The following LYPD6 variants were observed in gnomAD, a reference collection of about 807,000 sequenced individuals.
LYPD6 encodes the protein ly6/PLAUR domain-containing protein 6.
LYPD6 carries 15 observed loss-of-function variants against 22.7 expected under a neutral mutation model. The ratio of observed to expected loss-of-function variants is 0.66; its 90% CI spans 0.44 to 1.02. The LOEUF is 1.02. Ranked by LOEUF, LYPD6 falls within the 50% of genes least tolerant of loss-of-function variation. The probability of loss-of-function intolerance (pLI) is 0.00; values close to 1 mark genes in which losing one functional copy is unlikely to be tolerated. For missense variants in LYPD6, 189 were observed against 208.4 expected (o/e 0.91, Z 0.57); for synonymous variants, 72 against 77.5 (o/e 0.93, Z 0.37).
chr2:149,485,304 A>C, the LYPD6 span, among the ~76,000 whole-genome samples: 1 of 152,200 alleles, frequency 6.6e-6, no homozygotes, highest in African/African-American at 2.4e-5. Flanking sequence ...TGAGTAGAGT[A>C]AGGCACTGGA....
intron 2 of LYPD6, among the ~76,000 whole-genome samples, chr2:149,446,054 T>C (rs1683680209): frequency 2.0e-5 from 3 of 152,138 alleles, no homozygotes; most frequent in Admixed American, 6.5e-5. Context: ...TTCAGTATTG[T>C]TGTATCTCAG....
At chr2:149,392,384 G>A (rs767590527) in intron 1 of LYPD6, among the ~76,000 whole-genome samples, 1 of 152,114 alleles carries the variant, frequency 6.6e-6, no homozygotes, top group Non-Finnish European at 1.5e-5. Context: ...TTAATTGTGG[G>A]CATAAAAGGC....
intron 1 of LYPD6, among the ~76,000 whole-genome samples, chr2:149,389,678 CT>C (rs1213042879): frequency 1.3e-5 from 2 of 152,134 alleles, no homozygotes; most frequent in Admixed American, 1.3e-4. Flanking sequence ...GGTTTGGTAT[CT>C]TTATTTTTGG....
At chr2:149,424,536 G>A (rs1683150559) in intron 1 of LYPD6, among the ~76,000 whole-genome samples, 3 of 152,178 alleles carry the variant, frequency 2.0e-5, no homozygotes, top group Admixed American at 6.5e-5. Context: ...TTGTCCTTAC[G>A]AAATAAGGCC....
At chr2:149,418,321 T>A (rs1298729325) in intron 1 of LYPD6, among the ~76,000 whole-genome samples, 1 of 152,328 alleles carries the variant, frequency 6.6e-6, no homozygotes, top group Non-Finnish European at 1.5e-5. Flanking sequence ...TTCCTTTTTT[T>A]CCCTCATGTC....
chr2:149,337,138 G>A (rs1007904348), intron 1 of LYPD6, among the ~76,000 whole-genome samples: 3 of 152,248 alleles, frequency 2.0e-5, no homozygotes, highest in Middle Eastern at 6.8e-3. Context: ...ATGAGGACAG[G>A]CACCGAATCT....
At chr2:149,463,792 C>G (rs1384293990) in intron 3 of LYPD6, among the ~76,000 whole-genome samples, 4 of 152,064 alleles carry the variant, frequency 2.6e-5, no homozygotes, top group Non-Finnish European at 5.9e-5. Context: ...TGTTGTGTGA[C>G]TCATTTATAT....
At chr2:149,479,030 C>T (rs574852107), downstream of LYPD6, among the ~76,000 whole-genome samples, 6 of 152,278 alleles carry the variant, frequency 3.9e-5, no homozygotes, top group South Asian at 1.2e-3. Context: ...AATCCACTCA[C>T]TCTTTATACC....
chr2:149,368,843 G>T (rs1469265808), intron 1 of LYPD6, among the ~76,000 whole-genome samples: 1 of 152,140 alleles, frequency 6.6e-6, no homozygotes, highest in Non-Finnish European at 1.5e-5. Flanking sequence ...TGTGGAGCGG[G>T]AAACAGAGGA....
intron 1 of LYPD6, among the ~76,000 whole-genome samples, chr2:149,373,428 G>A (rs778395082): frequency 6.6e-6 from 1 of 152,160 alleles, no homozygotes; most frequent in Admixed American, 6.5e-5. Flanking sequence ...GAGTAGGAAG[G>A]AAAGGGGTTC....
At chr2:149,331,035 C>G (rs1180073139) in intron 1 of LYPD6, among the ~76,000 whole-genome samples, 3 of 152,172 alleles carry the variant, frequency 2.0e-5, no homozygotes, top group African/African-American at 7.2e-5. Flanking sequence ...AGGAACCTTT[C>G]CCAGGAGTAA....
intron 1 of LYPD6, among the ~76,000 whole-genome samples, chr2:149,364,001 A>T (rs1034993527): frequency 1.3e-5 from 2 of 152,260 alleles, no homozygotes; most frequent in South Asian, 2.1e-4. Context: ...TCCTACTTTT[A>T]AAAAAATGAG....
At chr2:149,462,191 A>T (rs1286939809) in intron 3 of LYPD6, among the ~76,000 whole-genome samples, 1 of 152,026 alleles carries the variant, frequency 6.6e-6, no homozygotes, top group Non-Finnish European at 1.5e-5. Flanking sequence ...GAGTTCAGCA[A>T]GGTCATAGGA....
chr2:149,426,055 A>T (rs796573055), intron 1 of LYPD6, among the ~76,000 whole-genome samples: 7 of 152,356 alleles, frequency 4.6e-5, no homozygotes, highest in African/African-American at 1.7e-4. Flanking sequence ...TTGGCTGCTA[A>T]TGAACCCAGT....
intron 1 of LYPD6, among the ~76,000 whole-genome samples, chr2:149,408,978 C>T (rs1256419676): frequency 6.6e-6 from 1 of 152,010 alleles, no homozygotes; most frequent in South Asian, 2.1e-4. Flanking sequence ...GGGGTGTTAA[C>T]CTTGTTTTGT....
chr2:149,350,666 T>C (rs1368897719), intron 1 of LYPD6, among the ~76,000 whole-genome samples: 6 of 152,260 alleles, frequency 3.9e-5, no homozygotes, highest in Non-Finnish European at 7.3e-5. Flanking sequence ...TACTGGCTAC[T>C]GAGTACTTGA....
intron 1 of LYPD6, among the ~76,000 whole-genome samples, chr2:149,394,898 G>A (rs1189224535): frequency 1.3e-5 from 2 of 152,086 alleles, no homozygotes; most frequent in African/African-American, 4.8e-5. Context: ...CCTCCAAAGC[G>A]GTATTTGTCA....
Position 149,443,831 on chromosome 2 carries a change from A to C in LYPD6, c.119-5218A>C, listed in dbSNP as rs181049492. ...TTATCACAATAAAGCAAGTTATGCA[A>C]ATTTTTTGGTCTCCTTGTGCATATA... On this transcript the variant is annotated intron_variant, in intron 2 of 4. Coordinates refer to ENST00000334166, the MANE Select transcript of LYPD6 (RefSeq NM_194317.5). 3.3e-3 allele frequency among the ~76,000 whole-genome samples: 507 copies of C among 152,222 alleles called. 1 individual carries two copies. Among genetic ancestry groups the C allele is most frequent in the Middle Eastern group, 6.8e-3 (2 of 294 alleles).
chr2:149,478,404 G>A (rs74385153), downstream of LYPD6, among the ~76,000 whole-genome samples: 12 of 122,444 alleles, frequency 9.8e-5, no homozygotes, highest in East Asian at 2.4e-4. Flanking sequence ...GTGTGTGCGC[G>A]CACGCATGTG....
Sources: gnomAD v4.1 joint callset for allele counts (sites outside exome capture counted in the v4.1 genomes callset) on GRCh38, gnomAD v4.1.1 for gene constraint, MANE v1.5 for transcripts, NCBI Gene and HGNC (gene_info 2026-07-23, HGNC 2026-07-21) for gene names.